The following CLEC2L variants were observed in gnomAD, a reference collection of about 807,000 sequenced individuals.
CLEC2L encodes C-type lectin domain family 2 member L, also known as C-type lectin domain family 2, member L.
In CLEC2L, 14 loss-of-function variants were observed where a neutral mutation model predicts 23.6. The observed-to-expected ratio is 0.59, with a 90% CI of 0.39 to 0.93. The LOEUF is 0.93. Ranked by LOEUF, CLEC2L falls within the 40% of genes least tolerant of loss-of-function variation. CLEC2L has a pLI of 0.00. For synonymous variants in CLEC2L, 114 were observed against 121.3 expected (o/e 0.94, Z 0.40); for missense variants, 264 against 282.4 (o/e 0.93, Z 0.47).
In CLEC2L at chr7:139,540,351, C is replaced by G; in HGVS notation, c.296C>G (p.Pro99Arg). 6.2e-7 allele frequency: 1 copy of G among 1,611,620 alleles called. No homozygotes were observed. Among genetic ancestry groups the G allele is most frequent in the Non-Finnish European group, 8.5e-7 (1 of 1,179,208 alleles). ...ASKGCIKCEA[P>R]CPEDWLLYGR... ...AAGGGCTGCATCAAGTGCGAAGCGC[C>G]CTGCCCGGAGGACTGGCTGCTCTAC... The change falls in exon 3 of 5, where the codon CCC becomes CGC. Residue 99 changes from proline to arginine, a missense_variant. Transcript: ENST00000422142. The surrounding 1 kb of genome is among the most constrained non-coding windows in gnomAD (Gnocchi z 5.8).
intron 4 of CLEC2L, 118 bp downstream of exon 4, chr7:139,542,239 T>C (rs1228939414): frequency 1.5e-6 from 1 of 662,080 alleles, no homozygotes; most frequent in African/African-American, 1.8e-5. Context: ...GAGATACTAG[T>C]CTCGGGGTCC....
chr7:139,540,350 C>A lies in CLEC2L; in HGVS notation c.295C>A (p.Pro99Thr). The change falls in exon 3 of 5, where the codon CCC becomes ACC. Residue 99 changes from proline (P) to threonine (T), a missense_variant. Physicochemically the swap from Pro to Thr is conservative, Grantham distance 38. Transcript: ENST00000422142. The surrounding 1 kb of genome is among the most constrained non-coding windows in gnomAD (Gnocchi z 5.8). The stretch of plus-strand genomic sequence containing the variant: ...CAAGGGCTGCATCAAGTGCGAAGCG[C>A]CCTGCCCGGAGGACTGGCTGCTCTA... ...ASKGCIKCEA[P>T]CPEDWLLYGR... 6.2e-7 allele frequency: 1 copy of A among 1,611,512 alleles called. No individual in the cohort carries two copies. Among genetic ancestry groups the A allele is most frequent in the Non-Finnish European group, 8.5e-7 (1 of 1,179,162 alleles).
At position 139,540,105 on chromosome 7, in the gene CLEC2L, C is replaced by T. The variant is rs1797711482; in HGVS notation, c.266-216C>T. The stretch of plus-strand genomic sequence containing the variant: ...TAACCCAGGGGCTGCCCTGCTGTCA[C>T]TTCCCGTCGTGATGATGCCCCTGCC... On this transcript the variant is annotated intron_variant, in intron 2 of 4. Coordinates refer to ENST00000422142, the MANE Select transcript of CLEC2L (RefSeq NM_001080511.4). This position sits in a 1 kb window ranked among gnomAD's most constrained non-coding sequence, Gnocchi z 5.8. 1.8e-6 allele frequency: 1 copy of T among 550,512 alleles called. No homozygotes were observed. Among genetic ancestry groups the T allele is most frequent in the South Asian group, 2.2e-5 (1 of 45,088 alleles). 34.1% of individuals were successfully genotyped at this position (550,512 alleles called of 1,614,324 possible).
chr7:139,530,624 C>G (rs1355246577), intron 1 of CLEC2L, among the ~76,000 whole-genome samples: 1 of 151,996 alleles, frequency 6.6e-6, no homozygotes, highest in East Asian at 1.9e-4. Context: ...ACCAGCCCGA[C>G]CAACATGGTG....
chr7:139,537,282 T>C (rs1797673322), intron 2 of CLEC2L, among the ~76,000 whole-genome samples: 2 of 152,198 alleles, frequency 1.3e-5, no homozygotes, highest in South Asian at 2.1e-4. Flanking sequence ...GGCCTGTAAA[T>C]TGAACTATCA....
At chr7:139,542,177 C>A in intron 4 of CLEC2L, 56 bp downstream of exon 4, 1 of 1,220,072 alleles carries the variant, frequency 8.2e-7, no homozygotes, top group Non-Finnish European at 1.2e-6. Context: ...AGGCCTGACT[C>A]ACCCCCTGGA....
rs936962729 is a variant in CLEC2L, at chr7:139,539,132, C to G, written c.266-1189C>G. ...GCTCTGTCCTGGTCTACATTTTAAT[C>G]AATCACTTGTATGAAAACAAACAAA... On this transcript the variant is annotated intron_variant, in intron 2 of 4. Transcript: ENST00000422142. This position sits in a 1 kb window ranked among gnomAD's most constrained non-coding sequence, Gnocchi z 4.1. 1 of 152,108 alleles carries G rather than the reference C, an allele frequency of 6.6e-6. No individual in the cohort carries two copies. The highest frequency in any genetic ancestry group is 1.5e-5 in the Non-Finnish European group (1 of 68,026). 9.4% of individuals were successfully genotyped at this position (152,108 alleles called of 1,614,324 possible).
At chr7:139,524,344 C>T (rs981276709) in intron 1 of CLEC2L, among the ~76,000 whole-genome samples, 3 of 152,228 alleles carry the variant, frequency 2.0e-5, no homozygotes, top group African/African-American at 7.2e-5. Flanking sequence ...TCGACCCCGC[C>T]TCTGCTGCGA....
chr7:139,523,862 T>A lies in CLEC2L; in HGVS notation c.-66T>A. On this transcript the variant is annotated 5_prime_UTR_variant, in exon 1 of 5. Coordinates refer to ENST00000422142, the MANE Select transcript of CLEC2L (RefSeq NM_001080511.4). The surrounding 1 kb of genome is among the most constrained non-coding windows in gnomAD (Gnocchi z 4.1). ...CCCGCAGGGCGCGCGGAGCGCCGAG[T>A]GCGCGTCGGGCTGGGCCCCGCACCC... 1 of 969,192 alleles carries A rather than the reference T, an allele frequency of 1.0e-6. No individual in the cohort carries two copies. The allele number at this position is 969,192 out of a possible 1,614,324, so 60.0% of individuals were successfully genotyped here.
chr7:139,529,211 G>A (rs1797545621), intron 1 of CLEC2L, among the ~76,000 whole-genome samples: 1 of 152,192 alleles, frequency 6.6e-6, no homozygotes, highest in African/African-American at 2.4e-5. Flanking sequence ...TGATTGAATA[G>A]AGTTTACCAT....
chr7:139,533,972 C>A (rs1797617114), intron 1 of CLEC2L, among the ~76,000 whole-genome samples: 1 of 152,092 alleles, frequency 6.6e-6, no homozygotes, highest in South Asian at 2.1e-4. Context: ...AACAATGTAA[C>A]TGTACTTAAC....
intron 1 of CLEC2L, among the ~76,000 whole-genome samples, chr7:139,530,386 G>A (rs964092202): frequency 7.9e-5 from 12 of 152,300 alleles, no homozygotes; most frequent in Admixed American, 2.0e-4. Context: ...AGGCTCAGGG[G>A]TTGGTGGCAG....
chr7:139,540,693 G>A lies in CLEC2L; in HGVS notation c.432+206G>A, dbSNP rs150305694. ...AGTGGCTCCAGTTTCCACTTCCATT[G>A]TCAAGGCCACCTATTTCAATCCAAG... On this transcript the variant is annotated intron_variant, in intron 3 of 4. Coordinates refer to ENST00000422142, the MANE Select transcript of CLEC2L (RefSeq NM_001080511.4). The surrounding 1 kb of genome is among the most constrained non-coding windows in gnomAD (Gnocchi z 5.8). 1.3e-5 allele frequency among the ~76,000 whole-genome samples: 2 copies of A among 152,258 alleles called. No individual in the cohort carries two copies. The highest frequency in any genetic ancestry group is 3.9e-4 in the East Asian group (2 of 5,188).
chr7:139,536,246 G>C lies in CLEC2L; in HGVS notation c.191-28G>C, dbSNP rs1322201619. 4 of 1,542,886 alleles carry C rather than the reference G, an allele frequency of 2.6e-6. No individual in the cohort carries two copies. In the South Asian group the frequency reaches 4.8e-5, roughly 18 times the overall value. On this transcript the variant is annotated intron_variant, in intron 1 of 4. Coordinates refer to ENST00000422142, the MANE Select transcript of CLEC2L (RefSeq NM_001080511.4). Reference sequence around the variant, plus strand: ...GGACTGGCGGTGGGATGGGCGGTGGGATGTTGAACCCCTCTCTCTTCTCCT... The same window carrying C: ...GGACTGGCGGTGGGATGGGCGGTGGCATGTTGAACCCCTCTCTCTTCTCCT...
chr7:139,542,957 G>A (rs930742404), intron 4 of CLEC2L, among the ~76,000 whole-genome samples: 1 of 152,164 alleles, frequency 6.6e-6, no homozygotes, highest in Non-Finnish European at 1.5e-5. Flanking sequence ...AGGCTCTGAG[G>A]TGCCAGCCGG....
At chr7:139,535,308 T>TGG (rs1797637041) in intron 1 of CLEC2L, among the ~76,000 whole-genome samples, 1 of 152,210 alleles carries the variant, frequency 6.6e-6, no homozygotes, top group African/African-American at 2.4e-5. Context: ...TTATATGAGA[T>TGG]TCCTAGAGTG....
chr7:139,540,025 C>T lies in CLEC2L; in HGVS notation c.266-296C>T. The T allele has an allele frequency of 2.6e-6, 1 of 389,550 alleles. No homozygotes were observed. Among genetic ancestry groups the T allele is most frequent in the Admixed American group, 3.8e-5 (1 of 26,170 alleles). The allele number at this position is 389,550 out of a possible 1,614,324, so 24.1% of individuals were successfully genotyped here. ...GACACATAGCCGCCAGACCTCTTCC[C>T]AGTCTGAGTTTCTGGCGTTCCATGC... On this transcript the variant is annotated intron_variant, in intron 2 of 4. Coordinates refer to ENST00000422142, the MANE Select transcript of CLEC2L (RefSeq NM_001080511.4). The surrounding 1 kb of genome is among the most constrained non-coding windows in gnomAD (Gnocchi z 5.8).
At chr7:139,535,576 C>T (rs111336938) in intron 1 of CLEC2L, among the ~76,000 whole-genome samples, 2,027 of 152,064 alleles carry the variant, frequency 0.013, 54 homozygotes, top group African/African-American at 0.045. Context: ...CTATGTTTAA[C>T]GTCTAAAAGG....
At chr7:139,526,702 A>G (rs546313535) in intron 1 of CLEC2L, among the ~76,000 whole-genome samples, 43 of 152,310 alleles carry the variant, frequency 2.8e-4, no homozygotes, top group African/African-American at 1.0e-3. Context: ...CTTATCTGCC[A>G]AGTCAGGTCA....
Sources: allele counts gnomAD v4.1 joint callset (sites outside exome capture counted in the v4.1 genomes callset), GRCh38; gene constraint gnomAD v4.1.1; non-coding constraint Gnocchi (gnomAD v3.1); transcripts MANE v1.5; gene names NCBI Gene and HGNC (gene_info 2026-07-23, HGNC 2026-07-21).